Variants in CHD1L observed in about 807,000 individuals in gnomAD.
CHD1L encodes chromodomain helicase DNA binding protein 1 like.
A neutral mutation model predicts 115.9 loss-of-function variants in CHD1L; 118 were observed. That is an observed-to-expected ratio of 1.02 (90% CI 0.88 to 1.19). The LOEUF (loss-of-function observed/expected upper bound fraction) is 1.19, where lower values mean the gene tolerates loss of function less well. Ranked by LOEUF, CHD1L falls within the 50% of genes most tolerant of loss-of-function variation. CHD1L has a pLI of 0.00. For missense variants in CHD1L, 1,179 were observed against 1,065.3 expected, an observed-to-expected ratio of 1.11 and a Z score of -1.49; for synonymous variants, 411 against 387.1, an observed-to-expected ratio of 1.06 and a Z score of -0.72.
intron 10 of CHD1L, 87 bp from the exon 11 acceptor site, chr1:147,270,845 T>C: frequency 1.9e-6 from 2 of 1,078,258 alleles, no homozygotes; most frequent in Non-Finnish European, 1.4e-6. Context: ...ATTTATAAAC[T>C]TTTATTGTTT....
chr1:147,226,864 A>G, the CHD1L span, among the ~76,000 whole-genome samples: 2 of 147,346 alleles, frequency 1.4e-5, no homozygotes, highest in South Asian at 2.1e-4. Flanking sequence ...ACAGGGTCTC[A>G]CTCTGGCACT....
chr1:147,178,202 T>G, the CHD1L span: 1 of 1,612,988 alleles, frequency 6.2e-7, no homozygotes, highest in Non-Finnish European at 8.5e-7. Flanking sequence ...GTGCTAGGAC[T>G]CAGGGACGAC....
Position 147,288,322 on chromosome 1 carries a change from C to CATAAAAAAAA in CHD1L, c.2320+590_2320+591insTAAAAAAAAA, listed in dbSNP as rs1452486110. 6.1e-4 allele frequency among the ~76,000 whole-genome samples: 54 copies of CATAAAAAAAA among 87,886 alleles called. 4 individuals are homozygous for CATAAAAAAAA. The highest frequency in any genetic ancestry group is 2.4e-3 in the African/African-American group (49 of 20,762). 57.7% of individuals were successfully genotyped at this position (87,886 alleles called of 152,430 possible). A position where few individuals can be genotyped will look rare whatever the true frequency, so the allele number is the denominator to read the frequency against. ...CCTGAGTGAGAGTGAGACCCTGTTT[C>CATAAAAAAAA]AATAAAAAAAAAAAAAAAAAAAAAG... is the stretch of plus-strand genomic sequence containing the variant. On this transcript the variant is annotated intron_variant, in intron 19 of 22. Transcript: ENST00000369258.
At chr1:147,279,934 C>T in intron 14 of CHD1L, 92 bp from the exon 15 acceptor site, 5 of 1,300,436 alleles carry the variant, frequency 3.8e-6, no homozygotes, top group South Asian at 1.3e-5. Context: ...AAGGACTGTG[C>T]CTGGTGTCGT....
the CHD1L span, chr1:147,203,467 A>G: frequency 1.2e-6 from 1 of 832,020 alleles, no homozygotes; most frequent in African/African-American, 1.7e-5. Context: ...AGCAGGGACT[A>G]CAGCCTCAGT....
chr1:147,294,619 CCA>C, intron 22 of CHD1L, 102 bp downstream of exon 22: 1 of 832,882 alleles, frequency 1.2e-6, no homozygotes, highest in Non-Finnish European at 1.9e-6. Context: ...TTTCTTCCTG[CCA>C]CAGTCTTTAC....
intron 1 of CHD1L, among the ~76,000 whole-genome samples, chr1:147,244,972 T>C (rs781962667): frequency 8.5e-5 from 13 of 152,260 alleles, no homozygotes; most frequent in Non-Finnish European, 1.8e-4. Flanking sequence ...GAGAAGTTAA[T>C]ATGCTATCGT....
chr1:147,270,868 C>G, intron 10 of CHD1L, 64 bp from the exon 11 acceptor site: 2 of 1,356,654 alleles, frequency 1.5e-6, no homozygotes, highest in East Asian at 4.6e-5. Context: ...TAAATTTTGC[C>G]TGAGGGAAAT....
chr1:147,262,738 A>AT (rs1672405541), intron 6 of CHD1L, among the ~76,000 whole-genome samples: 1 of 151,732 alleles, frequency 6.6e-6, no homozygotes, highest in African/African-American at 2.4e-5. Context: ...TGGCAAAAAA[A>AT]AAAATTGTTT....
chr1:147,218,256 A>G, the CHD1L span, among the ~76,000 whole-genome samples: 1 of 90,066 alleles, frequency 1.1e-5, no homozygotes, highest in African/African-American at 4.3e-5. Flanking sequence ...TTTTTTTTTG[A>G]GATGGAGTCT....
chr1:147,212,561 T>C, the CHD1L span: 1 of 1,603,136 alleles, frequency 6.2e-7, no homozygotes. Context: ...AAATAATTAT[T>C]GGGTAATGGT....
At chr1:147,275,312 T>C (rs782198356) in intron 12 of CHD1L, 42 bp from the exon 13 acceptor site, 5 of 1,449,108 alleles carry the variant, frequency 3.5e-6, no homozygotes, top group Non-Finnish European at 4.9e-6. Context: ...TAGCTCCTCG[T>C]CTTTGTGCTG....
intron 17 of CHD1L, 105 bp from the exon 18 acceptor site, chr1:147,286,193 C>A: frequency 9.1e-7 from 1 of 1,104,280 alleles, no homozygotes; most frequent in Non-Finnish European, 1.3e-6. Flanking sequence ...TTTCTAATTG[C>A]ATTTCTACTT....
At chr1:147,179,746 A>G in the CHD1L span, 2 of 639,022 alleles carry the variant, frequency 3.1e-6, no homozygotes, top group Admixed American at 5.6e-5. Flanking sequence ...GACAGAATGG[A>G]TATAATCTGA....
the CHD1L span, among the ~76,000 whole-genome samples, chr1:147,195,203 G>A: frequency 4.6e-5 from 7 of 152,140 alleles, no homozygotes; most frequent in Non-Finnish European, 7.4e-5. Flanking sequence ...TGCTTTGTTC[G>A]TTTCTTTTTA....
chr1:147,245,418 G>A (rs1207074926), intron 1 of CHD1L, among the ~76,000 whole-genome samples: 3 of 152,190 alleles, frequency 2.0e-5, no homozygotes, highest in Non-Finnish European at 2.9e-5. Flanking sequence ...TGACAGTACC[G>A]TGGCCTCCTG....
chr1:147,226,269 C>T, the CHD1L span, among the ~76,000 whole-genome samples: 1 of 151,234 alleles, frequency 6.6e-6, no homozygotes, highest in South Asian at 2.1e-4. Context: ...CTCCCCTCCT[C>T]ACAATCTGGA....
chr1:147,286,776 G>A (rs920485612), intron 18 of CHD1L, among the ~76,000 whole-genome samples: 1 of 152,184 alleles, frequency 6.6e-6, no homozygotes, highest in African/African-American at 2.4e-5. Flanking sequence ...TTAAGAGGGT[G>A]AAATGAAGCA....
intron 1 of CHD1L, among the ~76,000 whole-genome samples, chr1:147,244,236 AGT>A (rs1665875363): frequency 6.6e-6 from 1 of 152,204 alleles, no homozygotes; most frequent in Non-Finnish European, 1.5e-5. Flanking sequence ...CATATGGGCA[AGT>A]GTTTTAGTGA....
Sources: allele counts gnomAD v4.1 joint callset (sites outside exome capture counted in the v4.1 genomes callset), GRCh38; gene constraint gnomAD v4.1.1; transcripts MANE v1.5; gene names NCBI Gene and HGNC (gene_info 2026-07-23, HGNC 2026-07-21).